Variants in OTUD7A observed in about 807,000 individuals in gnomAD.
The protein encoded by OTUD7A is OTU deubiquitinase 7A.
A neutral mutation model predicts 65.7 loss-of-function variants in OTUD7A; 12 were observed. The ratio of observed to expected loss-of-function variants is 0.18; its 90% CI spans 0.12 to 0.30. The LOEUF (loss-of-function observed/expected upper bound fraction) is 0.30, where lower values mean the gene tolerates loss of function less well. OTUD7A is among the 10% of genes least tolerant of loss of function. The pLI, the probability that OTUD7A is intolerant of heterozygous loss-of-function variation, is 1.00. For missense variants in OTUD7A, 1,148 were observed against 1,304.8 expected (o/e 0.88, Z 1.85); for synonymous variants, 641 against 586.3 (o/e 1.09, Z -1.35).
At chr15:31,733,027 C>A (rs1482580653) in intron 1 of OTUD7A, among the ~76,000 whole-genome samples, 1 of 152,158 alleles carries the variant, frequency 6.6e-6, no homozygotes, top group Non-Finnish European at 1.5e-5. Flanking sequence ...CTCAGCCAGT[C>A]TCCTGAAAAA....
chr15:31,757,018 A>C (rs1259451276), intron 1 of OTUD7A, among the ~76,000 whole-genome samples: 2 of 152,142 alleles, frequency 1.3e-5, no homozygotes, highest in African/African-American at 4.8e-5. Flanking sequence ...CTGGAATGCC[A>C]CTGGACTGAG....
At chr15:31,801,259 G>T (rs369375162) in intron 1 of OTUD7A, among the ~76,000 whole-genome samples, 1 of 152,246 alleles carries the variant, frequency 6.6e-6, no homozygotes, top group East Asian at 1.9e-4. Flanking sequence ...GGGAGGCCAG[G>T]TGCAAGGGCA....
intron 4 of OTUD7A, among the ~76,000 whole-genome samples, chr15:31,561,575 CACGGTG>C (rs1888690097): frequency 6.6e-6 from 1 of 152,152 alleles, no homozygotes; most frequent in Non-Finnish European, 1.5e-5. Flanking sequence ...GCCTTGGAAA[CACGGTG>C]ATTCCTAGGA....
chr15:31,521,560 C>T (rs866661129), intron 8 of OTUD7A, among the ~76,000 whole-genome samples: 2 of 152,136 alleles, frequency 1.3e-5, no homozygotes, highest in Non-Finnish European at 2.9e-5. Flanking sequence ...GCCCATGGCC[C>T]GGGAGCACCA....
At chr15:31,627,539 T>C (rs76000894) in intron 3 of OTUD7A, among the ~76,000 whole-genome samples, 7,699 of 152,072 alleles carry the variant, frequency 0.051, 383 homozygotes, top group African/African-American at 0.14. Context: ...TGAATAGTGC[T>C]GCAATAAACA....
At chr15:31,540,978 C>T (rs369463442) in intron 5 of OTUD7A, among the ~76,000 whole-genome samples, 5 of 152,090 alleles carry the variant, frequency 3.3e-5, no homozygotes, top group East Asian at 1.9e-4. Flanking sequence ...TATAGCAATG[C>T]GCTTTGCTGT....
In OTUD7A at chr15:31,746,126, T is replaced by C. The variant is rs76041622; in HGVS notation, c.-99-89049A>G. ...GCCACTCATTTGGAAAAAGATATGA[T>C]AGCTTTCTATAAAACTAAGCAAACA... On this transcript the variant is annotated intron_variant, in intron 1 of 12. Coordinates refer to ENST00000307050, the MANE Select transcript of OTUD7A (RefSeq NM_001382637.1). 6.5e-3 allele frequency among the ~76,000 whole-genome samples: 997 copies of C among 152,348 alleles called. 12 individuals carry two copies. The highest frequency in any genetic ancestry group is 0.023 in the African/African-American group (955 of 41,580).
At chr15:31,548,009 C>T (rs1888187973) in intron 5 of OTUD7A, among the ~76,000 whole-genome samples, 1 of 152,252 alleles carries the variant, frequency 6.6e-6, no homozygotes, top group Non-Finnish European at 1.5e-5. Context: ...GCAAGGTAGG[C>T]TTCTTGCCAC....
At chr15:31,585,004 T>C (rs1288671266) in intron 3 of OTUD7A, among the ~76,000 whole-genome samples, 1 of 152,224 alleles carries the variant, frequency 6.6e-6, no homozygotes, top group Admixed American at 6.5e-5. Flanking sequence ...AGATGGCAAA[T>C]GAACAAAACT....
intron 1 of OTUD7A, among the ~76,000 whole-genome samples, chr15:31,839,845 A>G (rs960149285): frequency 2.6e-5 from 4 of 152,240 alleles, no homozygotes; most frequent in African/African-American, 9.6e-5. Flanking sequence ...TCTTAAAACA[A>G]CATTAAACAT....
intron 1 of OTUD7A, among the ~76,000 whole-genome samples, chr15:31,793,899 A>T (rs1214291332): frequency 6.6e-6 from 1 of 152,240 alleles, no homozygotes; most frequent in East Asian, 1.9e-4. Context: ...ATGGTCTCCC[A>T]AGCTGTCATC....
At chr15:31,533,154 C>T (rs573789523) in intron 5 of OTUD7A, among the ~76,000 whole-genome samples, 1 of 152,050 alleles carries the variant, frequency 6.6e-6, no homozygotes, top group East Asian at 1.9e-4. Flanking sequence ...GAAACAACGC[C>T]TTACTTATAT....
At position 31,756,491 on chromosome 15, in the gene OTUD7A, G is replaced by A. The variant is rs545299157; in HGVS notation, c.-99-99414C>T. On this transcript the variant is annotated intron_variant, in intron 1 of 12. Coordinates refer to ENST00000307050, the MANE Select transcript of OTUD7A (RefSeq NM_001382637.1). ...GCTGACGCACAAAGTCACTGTCCTC[G>A]TGATGTAATCAACTATGGCCTCAAT... Among the ~76,000 whole-genome samples the A allele has an allele frequency of 6.6e-4, 100 of 152,246 alleles. 1 individual carries two copies. Among genetic ancestry groups the A allele is most frequent in the African/African-American group, 1.9e-3 (79 of 41,550 alleles).
At chr15:31,641,730 G>C (rs898355557) in intron 3 of OTUD7A, among the ~76,000 whole-genome samples, 2 of 152,064 alleles carry the variant, frequency 1.3e-5, no homozygotes, top group African/African-American at 4.8e-5. Flanking sequence ...CATTGCAATT[G>C]TAAAAATGCA....
intron 1 of OTUD7A, among the ~76,000 whole-genome samples, chr15:31,781,850 C>T (rs886310915): frequency 1.8e-4 from 28 of 152,212 alleles, no homozygotes; most frequent in African/African-American, 6.5e-4. Flanking sequence ...CATCTGTATC[C>T]TATCTTCAGC....
intron 1 of OTUD7A, among the ~76,000 whole-genome samples, chr15:31,685,164 C>A (rs949833988): frequency 1.3e-5 from 2 of 152,232 alleles, no homozygotes; most frequent in African/African-American, 4.8e-5. Flanking sequence ...TTTATCTAAT[C>A]ATTCACAATT....
In OTUD7A at chr15:31,484,823, G is replaced by A; in HGVS notation, c.1372-99C>T. 6.7e-7 allele frequency: 1 copy of A among 1,488,526 alleles called. No individual in the cohort carries two copies. Among genetic ancestry groups the A allele is most frequent in the Non-Finnish European group, 8.9e-7 (1 of 1,122,426 alleles). 92.2% of individuals were successfully genotyped at this position (1,488,526 alleles called of 1,614,324 possible). ...CTTGCCCCTGTGTTGCCGAGGCTAG[G>A]GCCCTGGACCTTCACTGTCCCAGTC... On this transcript the variant is annotated intron_variant, in intron 12 of 12. Transcript: ENST00000307050. This position sits in a 1 kb window ranked among gnomAD's most constrained non-coding sequence, Gnocchi z 4.5.
intron 1 of OTUD7A, among the ~76,000 whole-genome samples, chr15:31,665,999 A>G (rs905514131): frequency 6.6e-6 from 1 of 150,422 alleles, no homozygotes; most frequent in Non-Finnish European, 1.5e-5. Flanking sequence ...CATCCCTCGT[A>G]TGAAACCCAC....
intron 1 of OTUD7A, among the ~76,000 whole-genome samples, chr15:31,837,058 T>C (rs1897071588): frequency 6.6e-6 from 1 of 152,178 alleles, no homozygotes; most frequent in Admixed American, 6.6e-5. Flanking sequence ...TATCGCTATT[T>C]ACAGATAACA....
Sources: allele counts gnomAD v4.1 joint callset (sites outside exome capture counted in the v4.1 genomes callset), GRCh38; gene constraint gnomAD v4.1.1; non-coding constraint Gnocchi (gnomAD v3.1); transcripts MANE v1.5; gene names NCBI Gene and HGNC (gene_info 2026-07-23, HGNC 2026-07-21).